Variants in SYNE3 observed in about 807,000 individuals in gnomAD.
SYNE3 encodes spectrin repeat containing nuclear envelope family member 3.
Under a neutral mutation model 111.2 loss-of-function variants are expected in SYNE3, and 100 were observed. That is an observed-to-expected ratio of 0.90 (90% CI 0.77 to 1.06). The LOEUF (loss-of-function observed/expected upper bound fraction) is 1.06, where lower values mean the gene tolerates loss of function less well. Among genes scored for constraint, SYNE3 ranks in the 50% least tolerant of loss-of-function variants. The probability of loss-of-function intolerance (pLI) is 0.00; values close to 1 mark genes in which losing one functional copy is unlikely to be tolerated. For synonymous variants in SYNE3, 547 were observed against 533.9 expected, an observed-to-expected ratio of 1.02 and a Z score of -0.34; for missense variants, 1,160 against 1,240.3, an observed-to-expected ratio of 0.94 and a Z score of 0.97.
At chr14:95,497,155 C>T (rs1890128497) in intron 1 of SYNE3, among the ~76,000 whole-genome samples, 1 of 152,238 alleles carries the variant, frequency 6.6e-6, no homozygotes, top group Non-Finnish European at 1.5e-5. Context: ...CCCCTGTCCC[C>T]CCACACAGGG....
chr14:95,426,116 C>T (rs1778207689), intron 17 of SYNE3, among the ~76,000 whole-genome samples: 3 of 152,226 alleles, frequency 2.0e-5, no homozygotes, highest in East Asian at 1.9e-4. Flanking sequence ...GTAGAGAATG[C>T]TTCTCTGGAT....
At position 95,417,675 on chromosome 14, in the gene SYNE3, T is replaced by G. The variant is rs931050966; in HGVS notation, c.*151A>C. 29 of 774,916 alleles carry G rather than the reference T, an allele frequency of 3.7e-5. No homozygotes were observed. Among genetic ancestry groups the G allele is most frequent in the Non-Finnish European group, 6.5e-5 (29 of 447,714 alleles). 48.0% of individuals were successfully genotyped at this position (774,916 alleles called of 1,614,324 possible). Reference sequence around the variant, plus strand: ...GACAACACTGTATAAAAAGTAAGTGTCTTCTGGGAACGCTGACACAGCACT... The same window carrying G: ...GACAACACTGTATAAAAAGTAAGTGGCTTCTGGGAACGCTGACACAGCACT... On this transcript the variant is annotated 3_prime_UTR_variant, in exon 18 of 18. Transcript: ENST00000682763.
rs563230187 is a variant in SYNE3, at chr14:95,514,644, C to T, written c.-15+1952G>A. ...GTTAGCCCCTTTCCACGGGGAAGGA[C>T]GCTGAAGCTCTGAAAGGTGAAGCAA... On this transcript the variant is annotated intron_variant, in intron 1 of 17. Coordinates refer to ENST00000682763, the MANE Select transcript of SYNE3 (RefSeq NM_152592.6). 9.5e-4 allele frequency among the ~76,000 whole-genome samples: 144 copies of T among 152,356 alleles called. 1 individual carries two copies. Among genetic ancestry groups the T allele is most frequent in the African/African-American group, 3.2e-3 (132 of 41,594 alleles).
chr14:95,417,918 T>C lies in SYNE3; in HGVS notation c.2836A>G (p.Ile946Val), dbSNP rs10130647. 2.2e-3 allele frequency: 3,514 copies of C among 1,613,962 alleles called. 66 individuals carry two copies. The African/African-American group carries it at 0.042, about 19-fold the overall frequency. ...GTGCAGCTGCGGTCCTCTTCCCTGA[T>C]TGGGAGCAGGAACAGCAGGAGGAGG... ...LFLLLLFLLP[I>V]REEDRSCTLA... Residue 946 changes from isoleucine (I) to valine (V), a missense_variant, in exon 18 of 18, where the codon ATC (isoleucine) becomes GTC (valine). Ile to Val is a conservative substitution (Grantham distance 29, BLOSUM62 3). Transcript: ENST00000682763.
At chr14:95,459,261 C>A (rs534381780) in intron 4 of SYNE3, among the ~76,000 whole-genome samples, 1 of 152,308 alleles carries the variant, frequency 6.6e-6, no homozygotes, top group African/African-American at 2.4e-5. Context: ...TTCATTTTTT[C>A]CCAACCATTT....
At chr14:95,508,784 A>T (rs1890618209) in intron 1 of SYNE3, among the ~76,000 whole-genome samples, 1 of 152,250 alleles carries the variant, frequency 6.6e-6, no homozygotes, top group East Asian at 1.9e-4. Flanking sequence ...AGAACCCAGG[A>T]GAATGGAGAA....
At chr14:95,423,607 G>A (rs377062871) in intron 17 of SYNE3, among the ~76,000 whole-genome samples, 550 of 21,418 alleles carry the variant, frequency 0.026, 221 homozygotes, top group African/African-American at 0.044. Flanking sequence ...GATGGGGATG[G>A]GGATTTGATG....
At chr14:95,469,767 G>A (rs1888410404) in intron 2 of SYNE3, among the ~76,000 whole-genome samples, 1 of 151,996 alleles carries the variant, frequency 6.6e-6, no homozygotes, top group African/African-American at 2.4e-5. Context: ...ATTAAACATG[G>A]GTATAAGTTA....
chr14:95,418,079 G>A, intron 17 of SYNE3, 53 bp from the exon 18 acceptor site: 4 of 1,594,044 alleles, frequency 2.5e-6, no homozygotes, highest in Non-Finnish European at 3.4e-6. Context: ...TGGTGGTGGG[G>A]GGCAGGTTCA....
chr14:95,500,902 G>A lies in SYNE3; in HGVS notation c.-15+15694C>T, dbSNP rs567739158. Among the ~76,000 whole-genome samples the A allele has an allele frequency of 1.7e-4, 26 of 152,286 alleles. No homozygotes were observed. Among genetic ancestry groups the A allele is most frequent in the African/African-American group, 6.0e-4 (25 of 41,538 alleles). On this transcript the variant is annotated intron_variant, in intron 1 of 17. Coordinates refer to ENST00000682763, the MANE Select transcript of SYNE3 (RefSeq NM_152592.6). This position sits in a 1 kb window ranked among gnomAD's most constrained non-coding sequence, Gnocchi z 4.7. ...GGGCGGTGAAGCGGGAGGGACACACGCTTGCTTCCCACACCAGGCACAAAA... is the reference window on the plus strand; with the variant it reads ...GGGCGGTGAAGCGGGAGGGACACACACTTGCTTCCCACACCAGGCACAAAA...
chr14:95,471,076 A>G (rs976520909), intron 2 of SYNE3, among the ~76,000 whole-genome samples: 5 of 152,146 alleles, frequency 3.3e-5, no homozygotes, highest in African/African-American at 9.7e-5. Flanking sequence ...AATAAGTCCA[A>G]ATTTACAAAC....
At chr14:95,422,937 G>T (rs943906657) in intron 17 of SYNE3, among the ~76,000 whole-genome samples, 15 of 152,322 alleles carry the variant, frequency 9.8e-5, no homozygotes, top group African/African-American at 3.4e-4. Flanking sequence ...CTGGTTTCCC[G>T]GACTGGGCCC....
At position 95,500,126 on chromosome 14, in the gene SYNE3, C is replaced by T. The variant is rs543849474; in HGVS notation, c.-15+16470G>A. On this transcript the variant is annotated intron_variant, in intron 1 of 17. Coordinates refer to ENST00000682763, the MANE Select transcript of SYNE3 (RefSeq NM_152592.6). The surrounding 1 kb of genome is among the most constrained non-coding windows in gnomAD (Gnocchi z 4.7). ...CCACCCGCCTCGGCCTCCCAAAGTGCTGGGATTAAAGGCGTGAGCCACTGC... is the reference window on the plus strand; with the variant it reads ...CCACCCGCCTCGGCCTCCCAAAGTGTTGGGATTAAAGGCGTGAGCCACTGC... Among the ~76,000 whole-genome samples the T allele has an allele frequency of 1.3e-5, 2 of 152,256 alleles. No homozygotes were observed. Among genetic ancestry groups the T allele is most frequent in the African/African-American group, 4.8e-5 (2 of 41,552 alleles).
rs1452580088 is a variant in SYNE3, at chr14:95,417,038, A to G, written c.*788T>C. ...CACCGTTTCATGGGGGCTCGGTGTC[A>G]TCACCAGGGACAGTCCTCATAGGTC... On this transcript the variant is annotated 3_prime_UTR_variant, in exon 18 of 18. Transcript: ENST00000682763. 6.6e-6 allele frequency: 1 copy of G among 152,404 alleles called. No individual in the cohort carries two copies. Among genetic ancestry groups the G allele is most frequent in the African/African-American group, 2.4e-5 (1 of 41,468 alleles). 9.4% of individuals were successfully genotyped at this position (152,404 alleles called of 1,614,324 possible). A position where few individuals can be genotyped will look rare whatever the true frequency, so the allele number is the denominator to read the frequency against.
Position 95,416,175 on chromosome 14 carries a change from G to A in SYNE3, c.*1651C>T, listed in dbSNP as rs183042292. The stretch of plus-strand genomic sequence containing the variant: ...TCCTTGGCAGCACGGGTTTCCTGCC[G>A]GTGAAATGTCCTAGTTGCCTAGGAC... On this transcript the variant is annotated 3_prime_UTR_variant, in exon 18 of 18. Transcript: ENST00000682763. 11 of 152,218 alleles carry A rather than the reference G, an allele frequency of 7.2e-5. No individual in the cohort carries two copies. The highest frequency in any genetic ancestry group is 2.0e-4 in the Admixed American group (3 of 15,286). 9.4% of individuals were successfully genotyped at this position (152,218 alleles called of 1,614,324 possible). A position where few individuals can be genotyped will look rare whatever the true frequency, so the allele number is the denominator to read the frequency against.
rs1401689688 is a variant in SYNE3, at chr14:95,500,092, T to C, written c.-15+16504A>G. On this transcript the variant is annotated intron_variant, in intron 1 of 17. Transcript: ENST00000682763. The surrounding 1 kb of genome is among the most constrained non-coding windows in gnomAD (Gnocchi z 4.7). ...TCAGGCTGGTCTTGAACTCTTGACC[T>C]CAGGTGATCCACCCGCCTCGGCCTC... Among the ~76,000 whole-genome samples, 1 of 152,054 alleles carries C rather than the reference T, an allele frequency of 6.6e-6. No individual in the cohort carries two copies. The highest frequency in any genetic ancestry group is 2.4e-5 in the African/African-American group (1 of 41,410).
At chr14:95,425,112 G>C (rs1440737670) in intron 17 of SYNE3, among the ~76,000 whole-genome samples, 2 of 152,258 alleles carry the variant, frequency 1.3e-5, no homozygotes, top group East Asian at 3.9e-4. Context: ...CTGGTGTGAT[G>C]GTGGGCACCT....
intron 17 of SYNE3, among the ~76,000 whole-genome samples, chr14:95,419,665 C>T (rs1884965550): frequency 1.8e-5 from 2 of 112,018 alleles, no homozygotes; most frequent in African/African-American, 7.0e-5. Flanking sequence ...GGCAGTGATG[C>T]TTGATGATGG....
At position 95,414,732 on chromosome 14, in the gene SYNE3, C is replaced by CAT. The variant is rs1427162158; in HGVS notation, c.*3093_*3094insAT. On this transcript the variant is annotated 3_prime_UTR_variant, in exon 18 of 18. Transcript: ENST00000682763. ...ACACACACACACACACACACACACA[C>CAT]GCCACAGCGCCACCTTTCTCAAGTA... 6.7e-6 allele frequency: 1 copy of CAT among 148,596 alleles called. No individual in the cohort carries two copies. The highest frequency in any genetic ancestry group is 2.5e-5 in the African/African-American group (1 of 39,642). The allele number at this position is 148,596 out of a possible 1,614,324, so 9.2% of individuals were successfully genotyped here.
Sources: gnomAD v4.1 joint callset for allele counts (sites outside exome capture counted in the v4.1 genomes callset) on GRCh38, gnomAD v4.1.1 for gene constraint, Gnocchi (gnomAD v3.1) non-coding constraint, MANE v1.5 for transcripts, NCBI Gene and HGNC (gene_info 2026-07-23, HGNC 2026-07-21) for gene names.